Variants in CAMTA1 observed in about 807,000 individuals in gnomAD.
CAMTA1 encodes the protein calmodulin binding transcription activator 1.
In CAMTA1, 27 loss-of-function variants were observed where a neutral mutation model predicts 170.9. The ratio of observed to expected loss-of-function variants is 0.16; its 90% CI spans 0.12 to 0.22. The LOEUF is 0.22. Among genes scored for constraint, CAMTA1 ranks in the 10% least tolerant of loss-of-function variants. The probability of loss-of-function intolerance (pLI) is 1.00; values close to 1 mark genes in which losing one functional copy is unlikely to be tolerated. For synonymous variants in CAMTA1, 833 were observed against 891.5 expected (o/e 0.93, Z 1.17); for missense variants, 1,619 against 2,217.2 (o/e 0.73, Z 5.42).
Position 7,375,086 on chromosome 1 carries a change from G to A in CAMTA1, c.439-92744G>A, listed in dbSNP as rs183085007. Among the ~76,000 whole-genome samples the A allele has an allele frequency of 1.9e-4, 29 of 152,274 alleles. No homozygotes were observed. The East Asian group carries it at 5.4e-3, about 28-fold the overall frequency. ...AGACCCAGAGATGAAACACTGTTTC[G>A]TTTCTTCCCTGCATCCCCTGGGGTT... On this transcript the variant is annotated intron_variant, in intron 5 of 22. Coordinates refer to ENST00000303635, the MANE Select transcript of CAMTA1 (RefSeq NM_015215.4).
At chr1:7,672,325 C>T (rs2096067833) in intron 10 of CAMTA1, among the ~76,000 whole-genome samples, 1 of 152,154 alleles carries the variant, frequency 6.6e-6, no homozygotes, top group African/African-American at 2.4e-5. Flanking sequence ...CAGCTGTCTG[C>T]CACCACCACC....
chr1:7,154,839 A>G (rs778220350), intron 4 of CAMTA1, among the ~76,000 whole-genome samples: 2 of 152,174 alleles, frequency 1.3e-5, no homozygotes, highest in Non-Finnish European at 2.9e-5. Flanking sequence ...TCTTCCTCTC[A>G]GCTCCTCAGG....
At position 7,156,591 on chromosome 1, in the gene CAMTA1, C is replaced by G. The variant is rs1357573040; in HGVS notation, c.302+65220C>G. Reference sequence around the variant, plus strand: ...GCTGAGCCACACGCCCTGGTGAATACAAAATAGGGTAAGGAATTTTTTGGC... The same window carrying G: ...GCTGAGCCACACGCCCTGGTGAATAGAAAATAGGGTAAGGAATTTTTTGGC... On this transcript the variant is annotated intron_variant, in intron 4 of 22. Coordinates refer to ENST00000303635, the MANE Select transcript of CAMTA1 (RefSeq NM_015215.4). Among the ~76,000 whole-genome samples the G allele has an allele frequency of 2.0e-5, 3 of 152,206 alleles. No homozygotes were observed. In the East Asian group the frequency reaches 5.8e-4, roughly 29 times the overall value.
intron 5 of CAMTA1, among the ~76,000 whole-genome samples, chr1:7,404,373 C>A (rs1008878734): frequency 3.3e-5 from 5 of 152,236 alleles, no homozygotes; most frequent in African/African-American, 4.8e-5. Flanking sequence ...CCGTACAATT[C>A]TATATGCATT....
chr1:7,611,951 G>A (rs189987722), intron 6 of CAMTA1, among the ~76,000 whole-genome samples: 2,119 of 152,376 alleles, frequency 0.014, 31 homozygotes, highest in Non-Finnish European at 0.024. Flanking sequence ...CAGCTGCCAT[G>A]CGCCCACTGG....
At chr1:7,280,108 GCAAAAAC>G (rs1238951591) in intron 5 of CAMTA1, among the ~76,000 whole-genome samples, 1 of 152,204 alleles carries the variant, frequency 6.6e-6, no homozygotes, top group Non-Finnish European at 1.5e-5. Context: ...TGCTGGCTTT[GCAAAAAC>G]CAAAAACCAA....
intron 11 of CAMTA1, among the ~76,000 whole-genome samples, chr1:7,701,376 AG>A (rs1558158571): frequency 6.6e-6 from 1 of 152,144 alleles, no homozygotes; most frequent in East Asian, 1.9e-4. Flanking sequence ...TGAGACCCTC[AG>A]CAGGGTTAGG....
intron 11 of CAMTA1, among the ~76,000 whole-genome samples, chr1:7,678,815 C>T (rs1239825466): frequency 6.6e-6 from 1 of 152,212 alleles, no homozygotes; most frequent in Non-Finnish European, 1.5e-5. Flanking sequence ...CACCCCCTCA[C>T]GCACCCCGCA....
In CAMTA1 at chr1:7,211,339, A is replaced by G. The variant is rs144650288; in HGVS notation, c.303-38152A>G. 2.8e-3 allele frequency among the ~76,000 whole-genome samples: 432 copies of G among 152,318 alleles called. 3 individuals carry two copies. The highest frequency in any genetic ancestry group is 1.0e-2 in the African/African-American group (414 of 41,566). ...ATGCACCTGTGTGACTCAGACCCCTATCAAGTTGTAGAGCATTGCAGCCAG... is the reference window on the plus strand; with the variant it reads ...ATGCACCTGTGTGACTCAGACCCCTGTCAAGTTGTAGAGCATTGCAGCCAG... On this transcript the variant is annotated intron_variant, in intron 4 of 22. Coordinates refer to ENST00000303635, the MANE Select transcript of CAMTA1 (RefSeq NM_015215.4).
At chr1:7,520,711 C>A (rs1252609657) in intron 6 of CAMTA1, among the ~76,000 whole-genome samples, 1 of 152,148 alleles carries the variant, frequency 6.6e-6, no homozygotes, top group Non-Finnish European at 1.5e-5. Flanking sequence ...CCCAGCTACC[C>A]CAGGCTCCTA....
Position 7,682,939 on chromosome 1 carries a change from A to T in CAMTA1, c.2914+5206A>T, listed in dbSNP as rs2096223451. ...GTGATCCCAGCACTTTGGGAGGCCG[A>T]GGCAGGCGGATCACAAGGTCAGGAG... On this transcript the variant is annotated intron_variant, in intron 11 of 22. Transcript: ENST00000303635. This position sits in a 1 kb window ranked among gnomAD's most constrained non-coding sequence, Gnocchi z 5.0. 3.3e-5 allele frequency among the ~76,000 whole-genome samples: 5 copies of T among 152,328 alleles called. No individual in the cohort carries two copies. The South Asian group carries it at 1.0e-3, about 32-fold the overall frequency.
chr1:7,437,713 C>G (rs1307985), intron 5 of CAMTA1, among the ~76,000 whole-genome samples: 61,787 of 152,116 alleles, frequency 0.41, 12,943 homozygotes, highest in East Asian at 0.63. Context: ...TCTGTAGAAG[C>G]CTGCAGCTTG....
intron 5 of CAMTA1, among the ~76,000 whole-genome samples, chr1:7,341,558 G>A (rs192800923): frequency 6.6e-6 from 1 of 152,208 alleles, no homozygotes; most frequent in Admixed American, 6.5e-5. Flanking sequence ...ACCCAGCCTG[G>A]AGCTGGCTCC....
chr1:6,981,235 G>C (rs184484130), intron 3 of CAMTA1, among the ~76,000 whole-genome samples: 1 of 152,240 alleles, frequency 6.6e-6, no homozygotes, highest in African/African-American at 2.4e-5. Flanking sequence ...GAACTTTTAG[G>C]ATTTCAGAAT....
At chr1:6,799,213 G>A (rs1177127582) in intron 1 of CAMTA1, among the ~76,000 whole-genome samples, 2 of 152,156 alleles carry the variant, frequency 1.3e-5, no homozygotes, top group African/African-American at 4.8e-5. Flanking sequence ...GACTACGGGC[G>A]TGTGCCACCA....
At chr1:7,253,768 T>C (rs1209789112) in intron 5 of CAMTA1, among the ~76,000 whole-genome samples, 1 of 152,146 alleles carries the variant, frequency 6.6e-6, no homozygotes, top group South Asian at 2.1e-4. Context: ...CTTGCCATTA[T>C]ATCAGTTCCT....
chr1:7,489,461 C>T (rs1181904202), intron 6 of CAMTA1, among the ~76,000 whole-genome samples: 2 of 152,108 alleles, frequency 1.3e-5, no homozygotes, highest in Non-Finnish European at 2.9e-5. Context: ...GGGCTCCCGG[C>T]GAGCCTCTGC....
intron 5 of CAMTA1, among the ~76,000 whole-genome samples, chr1:7,267,998 C>T (rs1274131098): frequency 2.6e-5 from 4 of 152,154 alleles, no homozygotes; most frequent in African/African-American, 9.7e-5. Context: ...ATCATCCCAC[C>T]CAAACCAACT....
Position 6,908,282 on chromosome 1 carries a change from G to A in CAMTA1, c.234+83072G>A, listed in dbSNP as rs74051051. 5.5e-3 allele frequency among the ~76,000 whole-genome samples: 845 copies of A among 152,298 alleles called. 8 individuals carry two copies. The highest frequency in any genetic ancestry group is 0.019 in the African/African-American group (803 of 41,558). On this transcript the variant is annotated intron_variant, in intron 3 of 22. Coordinates refer to ENST00000303635, the MANE Select transcript of CAMTA1 (RefSeq NM_015215.4). ...CGTTACTCCCCCTCACTCCCTTCAC[G>A]CCTCTTGTGTCCAGCAGTGCCCACG...
Sources: allele counts gnomAD v4.1 joint callset (sites outside exome capture counted in the v4.1 genomes callset), GRCh38; gene constraint gnomAD v4.1.1; non-coding constraint Gnocchi (gnomAD v3.1); transcripts MANE v1.5; gene names NCBI Gene and HGNC (gene_info 2026-07-23, HGNC 2026-07-21).